KCNH7: variants seen among roughly 807,000 people sequenced by gnomAD.
The protein encoded by KCNH7 is potassium voltage-gated channel subfamily H member 7, also known as voltage-gated inwardly rectifying potassium channel KCNH7.
KCNH7 carries 49 observed loss-of-function variants against 120.8 expected under a neutral mutation model. The ratio of observed to expected loss-of-function variants is 0.41; its 90% confidence interval spans 0.32 to 0.51. The LOEUF (loss-of-function observed/expected upper bound fraction) is 0.51. Ranked by LOEUF, KCNH7 falls within the 20% of genes least tolerant of loss-of-function variation. The probability of loss-of-function intolerance (pLI) is 0.38; values close to 1 mark genes in which losing one functional copy is unlikely to be tolerated. For missense variants in KCNH7, 1,097 were observed against 1,446.6 expected (o/e 0.76, Z 3.92); for synonymous variants, 547 against 516.1 (o/e 1.06, Z -0.81).
At chr2:162,622,248 G>C (rs892322313) in intron 2 of KCNH7, among the ~76,000 whole-genome samples, 3 of 152,188 alleles carry the variant, frequency 2.0e-5, no homozygotes, top group Non-Finnish European at 4.4e-5. Context: ...TCATGGGAGA[G>C]AGTATCAAAA....
chr2:162,559,625 C>G (rs901361666), intron 2 of KCNH7, among the ~76,000 whole-genome samples: 1 of 152,164 alleles, frequency 6.6e-6, no homozygotes, highest in African/African-American at 2.4e-5. Flanking sequence ...TTGATCATTA[C>G]CCTTATCACA....
At chr2:162,449,049 G>C (rs1485714332) in intron 6 of KCNH7, among the ~76,000 whole-genome samples, 2 of 151,992 alleles carry the variant, frequency 1.3e-5, no homozygotes. Flanking sequence ...ATTACAAGCA[G>C]AGGGGACAGA....
intron 2 of KCNH7, among the ~76,000 whole-genome samples, chr2:162,613,762 G>A (rs768226426): frequency 1.3e-5 from 2 of 151,686 alleles, no homozygotes; most frequent in East Asian, 1.9e-4. Context: ...CTATTCACTC[G>A]AAGGGCAAAA....
intron 2 of KCNH7, among the ~76,000 whole-genome samples, chr2:162,735,810 C>T (rs1331306825): frequency 6.6e-6 from 1 of 152,194 alleles, no homozygotes; most frequent in Non-Finnish European, 1.5e-5. Context: ...TATTACAATA[C>T]TTGCTGTTCT....
chr2:162,767,720 C>T (rs13395179), intron 2 of KCNH7, among the ~76,000 whole-genome samples: 42,562 of 151,970 alleles, frequency 0.28, 6,910 homozygotes, highest in African/African-American at 0.45. Context: ...TCATATCCCA[C>T]TGACCTGTAT....
chr2:162,607,381 C>T (rs545521763), intron 2 of KCNH7, among the ~76,000 whole-genome samples: 4 of 150,944 alleles, frequency 2.6e-5, no homozygotes, highest in Non-Finnish European at 5.9e-5. Flanking sequence ...CAGGGTGAGA[C>T]TCAGTCTCAA....
chr2:162,384,830 G>T lies in KCNH7; in HGVS notation c.2820C>A (p.Ser940=). ...KKSRSSSFIS[S]IDDEQKPLFS... ...AGAGCGGCTTTTGTTCATCATCAAT[G>T]GAGGAGATGAAAGATGAGGATCTGC... The change falls in exon 13 of 16, where the codon TCC becomes TCA. Residue 940 remains serine (S), a synonymous_variant. Coordinates refer to ENST00000332142, the MANE Select transcript of KCNH7 (RefSeq NM_033272.4). 3.1e-6 allele frequency: 5 copies of T among 1,612,748 alleles called. No individual in the cohort carries two copies. Among genetic ancestry groups the T allele is most frequent in the Non-Finnish European group, 4.2e-6 (5 of 1,179,048 alleles).
chr2:162,395,010 G>T (rs1364661835), intron 11 of KCNH7, among the ~76,000 whole-genome samples: 1 of 151,522 alleles, frequency 6.6e-6, no homozygotes, highest in African/African-American at 2.4e-5. Context: ...CTTAATTAAT[G>T]GTAAATATAT....
At chr2:162,396,194 T>A (rs1358690284) in intron 11 of KCNH7, among the ~76,000 whole-genome samples, 2 of 151,782 alleles carry the variant, frequency 1.3e-5, no homozygotes, top group Admixed American at 6.6e-5. Context: ...TTATTTCTGT[T>A]AGACTACATA....
At chr2:162,795,733 G>A (rs369277047) in intron 2 of KCNH7, 3 of 152,150 alleles carry the variant, frequency 2.0e-5, no homozygotes, top group South Asian at 2.1e-4. Flanking sequence ...TACCAAATAT[G>A]AGTACACATA....
At chr2:162,430,900 A>T (rs995714993) in intron 8 of KCNH7, among the ~76,000 whole-genome samples, 6 of 151,948 alleles carry the variant, frequency 3.9e-5, no homozygotes, top group Admixed American at 6.6e-5. Flanking sequence ...TAAGATATAA[A>T]ATTATGCTAT....
intron 9 of KCNH7, among the ~76,000 whole-genome samples, chr2:162,401,626 C>A (rs1281546890): frequency 6.6e-6 from 1 of 151,862 alleles, no homozygotes; most frequent in Non-Finnish European, 1.5e-5. Flanking sequence ...GCACAAGGAT[C>A]CTACTGTGTA....
chr2:162,571,762 C>A (rs1277632803), intron 2 of KCNH7, among the ~76,000 whole-genome samples: 1 of 138,996 alleles, frequency 7.2e-6, no homozygotes, highest in Non-Finnish European at 1.5e-5. Context: ...ACTATCTGAT[C>A]TTTGACAAAC....
intron 2 of KCNH7, among the ~76,000 whole-genome samples, chr2:162,804,872 C>G (rs1236319454): frequency 6.6e-6 from 1 of 151,606 alleles, no homozygotes; most frequent in South Asian, 2.1e-4. Context: ...CCGTATTTAC[C>G]AAAATAACAT....
At chr2:162,379,712 C>T in intron 14 of KCNH7, 141 bp downstream of exon 14, 1 of 786,088 alleles carries the variant, frequency 1.3e-6, no homozygotes, top group Non-Finnish European at 2.0e-6. Flanking sequence ...ATTCTGTCAA[C>T]TTCTAGTCTT....
chr2:162,489,380 A>T (rs1574020420), intron 6 of KCNH7, among the ~76,000 whole-genome samples: 3 of 152,328 alleles, frequency 2.0e-5, no homozygotes, highest in African/African-American at 7.2e-5. Flanking sequence ...GAGCTAAAAA[A>T]AAAATGCAAA....
chr2:162,405,379 C>A (rs1268512760), intron 9 of KCNH7, among the ~76,000 whole-genome samples: 1 of 151,740 alleles, frequency 6.6e-6, no homozygotes, highest in Non-Finnish European at 1.5e-5. Flanking sequence ...AACCCAACAA[C>A]AACAAAACAT....
intron 6 of KCNH7, among the ~76,000 whole-genome samples, chr2:162,479,704 T>TGTGTGG: frequency 6.7e-6 from 1 of 148,306 alleles, no homozygotes; most frequent in African/African-American, 2.5e-5. Context: ...TGTGTGTGTG[T>TGTGTGG]TGAGATGGCT....
chr2:162,387,187 A>T (rs1183787077), intron 12 of KCNH7, among the ~76,000 whole-genome samples: 2 of 149,540 alleles, frequency 1.3e-5, no homozygotes, highest in East Asian at 3.9e-4. Context: ...CATATGAACA[A>T]TTTCTTTGAT....
Sources: gnomAD v4.1 joint callset for allele counts (sites outside exome capture counted in the v4.1 genomes callset) on GRCh38, gnomAD v4.1.1 for gene constraint, MANE v1.5 for transcripts, NCBI Gene and HGNC (gene_info 2026-07-23, HGNC 2026-07-21) for gene names.